Variants in ATXN8OS observed in about 807,000 individuals in gnomAD.
ATXN8OS encodes the protein ATXN8 opposite strand (non-protein coding).
intron 4 of ATXN8OS, among the ~76,000 whole-genome samples, chr13:70,154,937 T>C (rs183430143): frequency 3.2e-4 from 49 of 152,324 alleles, no homozygotes; most frequent in African/African-American, 1.1e-3. Flanking sequence ...AGTGGTCATG[T>C]GAAATCCTGT....
intron 2 of ATXN8OS, among the ~76,000 whole-genome samples, chr13:70,126,924 A>G (rs921079755): frequency 6.6e-6 from 1 of 151,726 alleles, no homozygotes; most frequent in Non-Finnish European, 1.5e-5. Context: ...CTGTATCTGT[A>G]TATCTATATG....
At position 70,144,070 on chromosome 13, in the gene ATXN8OS, T is replaced by A. The variant is rs1241623913; in HGVS notation, n.500-3285T>A. Among the ~76,000 whole-genome samples, 11 of 152,160 alleles carry A rather than the reference T, an allele frequency of 7.2e-5. 1 individual carries two copies. Among genetic ancestry groups the A allele is most frequent in the Non-Finnish European group, 1.5e-5 (1 of 68,008 alleles). Reference sequence around the variant, plus strand: ...TTGGGAAAATAAATTGGGACTACTGTGGTGAAGCATATAATCCAGTGTCTG... The same window carrying A: ...TTGGGAAAATAAATTGGGACTACTGAGGTGAAGCATATAATCCAGTGTCTG... On this transcript the variant is annotated intron_variant and non_coding_transcript_variant, in intron 3 of 4. Coordinates refer to ENST00000678624, the Ensembl canonical transcript of ATXN8OS.
chr13:70,169,354 T>C (rs982475433), intron 4 of ATXN8OS, among the ~76,000 whole-genome samples: 1 of 152,132 alleles, frequency 6.6e-6, no homozygotes, highest in Non-Finnish European at 1.5e-5. Flanking sequence ...TGGAGTGCAA[T>C]GGCACGATCT....
intron 4 of ATXN8OS, among the ~76,000 whole-genome samples, chr13:70,158,636 GTC>G: frequency 6.6e-6 from 1 of 152,272 alleles, no homozygotes; most frequent in South Asian, 2.1e-4. Context: ...ATTCCGTATA[GTC>G]TCTGTCTCAA....
chr13:70,150,500 G>T (rs866309595), intron 4 of ATXN8OS, among the ~76,000 whole-genome samples: 3 of 152,172 alleles, frequency 2.0e-5, no homozygotes, highest in South Asian at 4.1e-4. Context: ...CTATGTGTAA[G>T]GTAGGAGACT....
At chr13:70,152,109 C>A (rs760822062) in intron 4 of ATXN8OS, among the ~76,000 whole-genome samples, 2 of 151,952 alleles carry the variant, frequency 1.3e-5, no homozygotes, top group Admixed American at 6.6e-5. Flanking sequence ...TAATAATTTC[C>A]TTATAACTTC....
chr13:70,144,706 A>T (rs1389426307), intron 3 of ATXN8OS, among the ~76,000 whole-genome samples: 2 of 152,146 alleles, frequency 1.3e-5, no homozygotes, highest in Non-Finnish European at 2.9e-5. Flanking sequence ...AATGAAATTC[A>T]TCTTATCAAT....
At chr13:70,115,030 G>A (rs1888253741) in intron 1 of ATXN8OS, 3 of 214,458 alleles carry the variant, frequency 1.4e-5, no homozygotes, top group Non-Finnish European at 1.7e-5. Flanking sequence ...TTTCTAACGT[G>A]TGTGTGTGTG....
At chr13:70,124,894 C>T (rs1593760540) in intron 2 of ATXN8OS, among the ~76,000 whole-genome samples, 1 of 148,224 alleles carries the variant, frequency 6.7e-6, no homozygotes, top group Admixed American at 6.7e-5. Flanking sequence ...TCTTTATTCT[C>T]TTTCATTTAA....
chr13:70,131,328 C>T (rs1676546214), intron 3 of ATXN8OS: 1 of 398,356 alleles, frequency 2.5e-6, no homozygotes, highest in South Asian at 1.3e-4. Flanking sequence ...CTAAATTTTT[C>T]CATAAATCAG....
chr13:70,169,051 A>G (rs1889112265), intron 4 of ATXN8OS, among the ~76,000 whole-genome samples: 1 of 152,082 alleles, frequency 6.6e-6, no homozygotes. Flanking sequence ...TTTTCCATGA[A>G]TAGATTGCTA....
At chr13:70,148,978 T>A (rs569683268) in intron 4 of ATXN8OS, among the ~76,000 whole-genome samples, 6 of 152,256 alleles carry the variant, frequency 3.9e-5, no homozygotes, top group Non-Finnish European at 7.4e-5. Flanking sequence ...TAAATATGAA[T>A]CTCAACTAAT....
intron 2 of ATXN8OS, among the ~76,000 whole-genome samples, chr13:70,118,006 T>C (rs1046087163): frequency 5.9e-5 from 9 of 152,088 alleles, no homozygotes; most frequent in African/African-American, 2.2e-4. Flanking sequence ...GGTGAGCTTG[T>C]AGTTTTGTAA....
intron 3 of ATXN8OS, among the ~76,000 whole-genome samples, chr13:70,131,824 C>A (rs778469970): frequency 6.6e-6 from 1 of 152,098 alleles, no homozygotes; most frequent in Non-Finnish European, 1.5e-5. Flanking sequence ...CAAGCTGAGT[C>A]TGCCTATTTA....
At chr13:70,151,778 T>A (rs889103713) in intron 4 of ATXN8OS, among the ~76,000 whole-genome samples, 1 of 152,094 alleles carries the variant, frequency 6.6e-6, no homozygotes, top group Non-Finnish European at 1.5e-5. Flanking sequence ...TTAGAAGTCA[T>A]CCGTAATAAC....
chr13:70,126,566 T>C (rs1888439786), intron 2 of ATXN8OS, among the ~76,000 whole-genome samples: 1 of 151,812 alleles, frequency 6.6e-6, no homozygotes, highest in Non-Finnish European at 1.5e-5. Context: ...ATTATATACA[T>C]AAATAGATCG....
intron 3 of ATXN8OS, among the ~76,000 whole-genome samples, chr13:70,143,791 T>G (rs1888747312): frequency 6.6e-6 from 1 of 152,194 alleles, no homozygotes. Flanking sequence ...AGAAATAAGT[T>G]TTTATATTGG....
chr13:70,120,419 T>C (rs142079534), intron 2 of ATXN8OS, among the ~76,000 whole-genome samples: 1,647 of 152,196 alleles, frequency 0.011, 12 homozygotes, highest in Non-Finnish European at 0.018. Flanking sequence ...ATAGACAGAG[T>C]TAAATTTTTA....
chr13:70,118,140 A>T (rs866338661), intron 2 of ATXN8OS, among the ~76,000 whole-genome samples: 4 of 152,138 alleles, frequency 2.6e-5, no homozygotes, highest in Non-Finnish European at 1.5e-5. Flanking sequence ...CTGTAATAAA[A>T]TATTTGCTTC....
Sources: allele counts gnomAD v4.1 joint callset (sites outside exome capture counted in the v4.1 genomes callset), GRCh38; gene constraint gnomAD v4.1.1; transcripts MANE v1.5; gene names NCBI Gene and HGNC (gene_info 2026-07-23, HGNC 2026-07-21).